TRAF3: variants seen among roughly 807,000 people sequenced by gnomAD.
The protein encoded by TRAF3 is TNF receptor-associated factor 3.
A neutral mutation model predicts 62.3 loss-of-function variants in TRAF3; 13 were observed. That is an observed-to-expected ratio of 0.21 (90% confidence interval 0.14 to 0.33). The LOEUF is 0.33. Ranked by LOEUF, TRAF3 falls within the 10% of genes least tolerant of loss-of-function variation. The pLI is 1.00. For synonymous variants in TRAF3, 269 were observed against 283.4 expected (o/e 0.95, Z 0.51); for missense variants, 440 against 741.8 (o/e 0.59, Z 4.73).
At chr14:102,882,421 G>A (rs1403675004) in intron 6 of TRAF3, among the ~76,000 whole-genome samples, 1 of 152,180 alleles carries the variant, frequency 6.6e-6, no homozygotes, top group African/African-American at 2.4e-5. Flanking sequence ...TTGGGGTCCT[G>A]CCAGTGCATC....
At position 102,871,980 on chromosome 14, in the gene TRAF3, T is replaced by C; in HGVS notation, c.297+12T>C. ...TCGTTAAAGATAAGGTATTCTGGGG[T>C]TTTTTTTAATCATTTTGTCACATGT... On this transcript the variant is annotated intron_variant, in intron 4 of 11. Transcript: ENST00000392745. 6.2e-7 allele frequency: 1 copy of C among 1,611,434 alleles called. No homozygotes were observed. Among genetic ancestry groups the C allele is most frequent in the Non-Finnish European group, 8.5e-7 (1 of 1,177,642 alleles).
intron 1 of TRAF3, among the ~76,000 whole-genome samples, chr14:102,807,935 T>C (rs949371236): frequency 2.0e-5 from 3 of 152,170 alleles, no homozygotes; most frequent in Admixed American, 1.3e-4. Flanking sequence ...TACTCCAACA[T>C]GCAAATCAGT....
intron 2 of TRAF3, among the ~76,000 whole-genome samples, chr14:102,866,918 T>A (rs76358155): frequency 0.071 from 10,663 of 150,946 alleles, 522 homozygotes; most frequent in Non-Finnish European, 0.11. Flanking sequence ...AGGCACAATT[T>A]GGCATTTCAC....
chr14:102,890,649 A>G (rs1235397376), intron 8 of TRAF3, among the ~76,000 whole-genome samples: 3 of 152,352 alleles, frequency 2.0e-5, no homozygotes, highest in African/African-American at 7.2e-5. Context: ...CTAATAGCAA[A>G]ACAAATTATA....
chr14:102,902,743 G>T (rs919028775), intron 10 of TRAF3, among the ~76,000 whole-genome samples: 1 of 152,222 alleles, frequency 6.6e-6, no homozygotes, highest in Non-Finnish European at 1.5e-5. Flanking sequence ...GGAGTGTGAG[G>T]GTGAGGTCGG....
intron 2 of TRAF3, among the ~76,000 whole-genome samples, chr14:102,865,220 G>A (rs1329264257): frequency 2.6e-5 from 4 of 152,132 alleles, no homozygotes; most frequent in Non-Finnish European, 5.9e-5. Flanking sequence ...TTTCCCAGGA[G>A]CCAGTTCAGT....
rs745624012 is a variant in TRAF3 at position 102,837,150 on chromosome 14, T to TTG, written c.-18+6678_-18+6679insTG. Among the ~76,000 whole-genome samples, 421 of 142,938 alleles carry TTG rather than the reference T, an allele frequency of 2.9e-3. 4 individuals carry two copies. Among genetic ancestry groups the TTG allele is most frequent in the African/African-American group, 7.0e-3 (271 of 38,560 alleles). 93.8% of individuals were successfully genotyped at this position (142,938 alleles called of 152,430 possible). A position where few individuals can be genotyped will look rare whatever the true frequency, so the allele number is the denominator to read the frequency against. On this transcript the variant is annotated intron_variant, in intron 2 of 11. Coordinates refer to ENST00000392745, the MANE Select transcript of TRAF3 (RefSeq NM_145725.3). ...TGTGTGTGTGTGTGTGTGTTTTTTT[T>TTG]GGGGGGGGGTGAAGGTCTTGCTCTG...
At chr14:102,820,974 A>C (rs2139579318) in intron 1 of TRAF3, among the ~76,000 whole-genome samples, 1 of 152,174 alleles carries the variant, frequency 6.6e-6, no homozygotes, top group East Asian at 1.9e-4. Context: ...CCAAGCCTGC[A>C]GGGAAGTCTG....
At chr14:102,825,576 G>C (rs755955213) in intron 1 of TRAF3, among the ~76,000 whole-genome samples, 1 of 152,204 alleles carries the variant, frequency 6.6e-6, no homozygotes, top group Non-Finnish European at 1.5e-5. Flanking sequence ...CCCACTGCTC[G>C]AGATCCCCCA....
At chr14:102,814,808 C>T (rs550783641) in intron 1 of TRAF3, among the ~76,000 whole-genome samples, 1 of 152,222 alleles carries the variant, frequency 6.6e-6, no homozygotes, top group Non-Finnish European at 1.5e-5. Context: ...CAGGCATACA[C>T]CACTGCACCT....
At chr14:102,873,420 G>C (rs1034693000) in intron 4 of TRAF3, among the ~76,000 whole-genome samples, 2 of 152,234 alleles carry the variant, frequency 1.3e-5, no homozygotes, top group Non-Finnish European at 2.9e-5. Flanking sequence ...CCTAACGTGT[G>C]AGTGAGAGAG....
intron 1 of TRAF3, among the ~76,000 whole-genome samples, chr14:102,778,544 C>G (rs1897133805): frequency 6.6e-6 from 1 of 152,168 alleles, no homozygotes. Flanking sequence ...TCGAATTAAG[C>G]TCAGAATCAG....
chr14:102,796,236 A>G (rs959858205), intron 1 of TRAF3, among the ~76,000 whole-genome samples: 1 of 152,230 alleles, frequency 6.6e-6, no homozygotes, highest in Non-Finnish European at 1.5e-5. Context: ...ACAAACACTC[A>G]AGGACAGCGT....
chr14:102,810,008 A>G lies in TRAF3; in HGVS notation c.-156-20326A>G, dbSNP rs941470266. Reference sequence around the variant, plus strand: ...AGTATCTAAAACAGATTGGCAAACTATGGGTCTAAGAATAGTTTTTATGTG... The same window carrying G: ...AGTATCTAAAACAGATTGGCAAACTGTGGGTCTAAGAATAGTTTTTATGTG... On this transcript the variant is annotated intron_variant, in intron 1 of 11. Transcript: ENST00000392745. Among the ~76,000 whole-genome samples, 34 of 152,334 alleles carry G rather than the reference A, an allele frequency of 2.2e-4. 1 individual carries two copies. The highest frequency in any genetic ancestry group is 1.2e-3 in the Admixed American group (19 of 15,306).
chr14:102,864,754 A>G (rs1887883242), intron 2 of TRAF3, among the ~76,000 whole-genome samples: 1 of 152,196 alleles, frequency 6.6e-6, no homozygotes, highest in Non-Finnish European at 1.5e-5. Context: ...GATCCTACAG[A>G]CAGAAATGTT....
chr14:102,781,679 T>G (rs1038166433), intron 1 of TRAF3, among the ~76,000 whole-genome samples: 2 of 152,060 alleles, frequency 1.3e-5, no homozygotes, highest in Non-Finnish European at 2.9e-5. Context: ...CACGCTGGAG[T>G]GCAGTGGCCC....
At position 102,891,420 on chromosome 14, in the gene TRAF3, G is replaced by A; in HGVS notation, c.819+3G>A. The stretch of plus-strand genomic sequence containing the variant: ...GGAGCAACTCGCTCGAAAAGAAGGT[G>A]GGCTGCACACTTTCCTGCTGCTATG... On this transcript the variant is annotated splice_donor_region_variant and intron_variant, in intron 9 of 11. Transcript: ENST00000392745. 1 of 1,609,454 alleles carries A rather than the reference G, an allele frequency of 6.2e-7. No individual in the cohort carries two copies.
intron 1 of TRAF3, among the ~76,000 whole-genome samples, chr14:102,800,406 G>A (rs915054732): frequency 7.9e-5 from 12 of 152,128 alleles, no homozygotes; most frequent in Non-Finnish European, 1.0e-4. Flanking sequence ...TGAGAGAGTC[G>A]GGGTTCATAC....
chr14:102,828,875 A>G (rs556473738), intron 1 of TRAF3, among the ~76,000 whole-genome samples: 8 of 152,116 alleles, frequency 5.3e-5, no homozygotes, highest in African/African-American at 1.4e-4. Flanking sequence ...CATAGAATAT[A>G]TTCATTTCTT....
Sources: allele counts gnomAD v4.1 joint callset (sites outside exome capture counted in the v4.1 genomes callset), GRCh38; gene constraint gnomAD v4.1.1; transcripts MANE v1.5; gene names NCBI Gene and HGNC (gene_info 2026-07-23, HGNC 2026-07-21).